SOS1: variants seen among roughly 807,000 people sequenced by gnomAD.
SOS1 encodes son of sevenless homolog 1.
SOS1 carries 25 observed loss-of-function variants against 157.6 expected under a neutral mutation model. The ratio of observed to expected loss-of-function variants is 0.16; its 90% confidence interval spans 0.12 to 0.22. The LOEUF (loss-of-function observed/expected upper bound fraction) is 0.22, where lower values mean the gene tolerates loss of function less well. SOS1 is among the 10% of genes least tolerant of loss of function. The pLI, the probability that SOS1 is intolerant of heterozygous loss-of-function variation, is 1.00. For missense variants in SOS1, 1,237 were observed against 1,599.1 expected (o/e 0.77, Z 3.86); for synonymous variants, 528 against 534.0 (o/e 0.99, Z 0.16).
intron 1 of SOS1, among the ~76,000 whole-genome samples, chr2:39,100,202 T>A (rs549932456): frequency 2.6e-5 from 4 of 152,266 alleles, no homozygotes; most frequent in Admixed American, 2.0e-4. Context: ...AAGGAAACCC[T>A]TGTAGACTGT....
At chr2:39,104,970 G>A (rs1673110963) in intron 1 of SOS1, among the ~76,000 whole-genome samples, 1 of 152,096 alleles carries the variant, frequency 6.6e-6, no homozygotes, top group South Asian at 2.1e-4. Context: ...GCCTTCAATT[G>A]TACATTTCAA....
At chr2:39,012,686 G>A (rs1338670244) in intron 13 of SOS1, among the ~76,000 whole-genome samples, 1 of 151,868 alleles carries the variant, frequency 6.6e-6, no homozygotes, top group Non-Finnish European at 1.5e-5. Context: ...TCCAAGAAAA[G>A]GTATATCTTA....
chr2:39,013,988 A>T lies in SOS1; in HGVS notation c.1942T>A (p.Phe648Ile). The change falls in exon 12 of 23, where the codon TTT becomes ATT. Residue 648 changes from phenylalanine (F) to isoleucine (I), a missense_variant and splice_region_variant. Physicochemically the swap from Phe to Ile is conservative, Grantham distance 21 (BLOSUM62 0). This residue lies in a region of SOS1 where 55 missense variants were observed against 43.1 expected (regional missense o/e 1.27). Transcript: ENST00000402219. ...GTTGGCTCAGGCTCTGGAATTTCAA[A>T]CCTAACATAAAATAGAACAAATTAA... ...QELLSLIIER[F>I]EIPEPEPTEA... is the part of the protein sequence containing the mutation. 6.2e-7 allele frequency: 1 copy of T among 1,600,388 alleles called. No homozygotes were observed. The highest frequency in any genetic ancestry group is 8.6e-7 in the Non-Finnish European group (1 of 1,169,120).
Position 39,022,952 on chromosome 2 carries a change from T to C in SOS1, c.1476A>G (p.Glu492=). ...GASNAEYRLK[E]KFFMRKVQIN... is the part of the protein sequence containing the mutation. The stretch of plus-strand genomic sequence containing the variant: ...TTTGTACCTTTCGCATAAAAAACTT[T>C]TCTTTAAGACGATATTCTGCATTGC... The change falls in exon 10 of 23, where the codon GAA becomes GAG. Residue 492 remains glutamate (E), a synonymous_variant. Transcript: ENST00000402219. The C allele has an allele frequency of 6.2e-7, 1 of 1,613,770 alleles. No homozygotes were observed. Among genetic ancestry groups the C allele is most frequent in the Non-Finnish European group, 8.5e-7 (1 of 1,179,774 alleles).
upstream of SOS1, among the ~76,000 whole-genome samples, chr2:39,121,832 G>A (rs549545022): frequency 6.6e-6 from 1 of 152,360 alleles, no homozygotes; most frequent in African/African-American, 2.4e-5. Context: ...TTTATAAACT[G>A]TCCCTCCAGG....
chr2:39,047,315 G>A (rs892382325), intron 6 of SOS1, among the ~76,000 whole-genome samples: 1 of 152,124 alleles, frequency 6.6e-6, no homozygotes. Flanking sequence ...TAAACCTACT[G>A]TGAACATTCT....
intron 1 of SOS1, among the ~76,000 whole-genome samples, chr2:39,113,036 CAAA>C (rs543968368): frequency 7.6e-6 from 1 of 131,638 alleles, no homozygotes; most frequent in African/African-American, 2.8e-5. Flanking sequence ...GACTCTGTCT[CAAA>C]AAAAAAAAAG....
intron 2 of SOS1, among the ~76,000 whole-genome samples, chr2:39,060,529 G>T (rs1337163529): frequency 2.6e-5 from 4 of 152,138 alleles, no homozygotes; most frequent in Non-Finnish European, 5.9e-5. Flanking sequence ...AGGTTCAAGT[G>T]ATTCTCCCAC....
chr2:39,049,752 T>C (rs532263517), intron 6 of SOS1, among the ~76,000 whole-genome samples: 6 of 152,328 alleles, frequency 3.9e-5, no homozygotes, highest in South Asian at 2.1e-4. Context: ...AGGCTTCATA[T>C]TGACTTAATA....
intron 1 of SOS1, among the ~76,000 whole-genome samples, chr2:39,075,801 T>C (rs1037386359): frequency 6.6e-6 from 1 of 152,026 alleles, no homozygotes; most frequent in Non-Finnish European, 1.5e-5. Flanking sequence ...CATAACAGTT[T>C]AAAAAGAGAA....
Position 38,997,030 on chromosome 2 carries a change from A to C in SOS1, c.2973T>G (p.Phe991Leu), listed in dbSNP as rs751274973. The C allele has an allele frequency of 5.2e-6, 8 of 1,532,606 alleles. No individual in the cohort carries two copies. Among genetic ancestry groups the C allele is most frequent in the Non-Finnish European group, 7.2e-6 (8 of 1,107,482 alleles). The allele number at this position is 1,532,606 out of a possible 1,614,324, so 94.9% of individuals were successfully genotyped here. A position where few individuals can be genotyped will look rare whatever the true frequency, so the allele number is the denominator to read the frequency against. The part of the protein sequence containing the change: ...LRVESDIKRF[F>L]ENLNPMGNSM... ...TATTTCCCATCGGATTCAAGTTTTC[A>C]AAGAACCTCTAAAATAAATGCAAAG... Residue 991 changes from phenylalanine to leucine, a missense_variant, in exon 19 of 23, where the codon TTT (phenylalanine) becomes TTG (leucine). Phe to Leu is a conservative substitution (Grantham distance 22, BLOSUM62 0). Around this residue, in one of 15 missense-constraint regions of SOS1, gnomAD observed 34 missense variants for 28.1 expected, o/e 1.21. Transcript: ENST00000402219.
At chr2:39,023,332 G>A (rs1450771666) in intron 9 of SOS1, 107 bp from the exon 10 acceptor site, 1 of 750,962 alleles carries the variant, frequency 1.3e-6, no homozygotes, top group South Asian at 1.8e-5. Context: ...TCACTGAGAA[G>A]GTATTCACTA....
chr2:39,047,665 T>C (rs888525522), intron 6 of SOS1, among the ~76,000 whole-genome samples: 1 of 152,170 alleles, frequency 6.6e-6, no homozygotes, highest in African/African-American at 2.4e-5. Flanking sequence ...GTAGGAGTTA[T>C]TTTGTTTTTG....
At chr2:39,036,597 G>A (rs1340416670) in intron 6 of SOS1, among the ~76,000 whole-genome samples, 1 of 151,248 alleles carries the variant, frequency 6.6e-6, no homozygotes, top group East Asian at 2.0e-4. Flanking sequence ...TTTTTGGGAC[G>A]GAGTCTCCCT....
At chr2:39,092,282 T>C (rs928355817) in intron 1 of SOS1, among the ~76,000 whole-genome samples, 10 of 152,104 alleles carry the variant, frequency 6.6e-5, no homozygotes, top group African/African-American at 2.2e-4. Context: ...TCACTGCACA[T>C]ACTGCTTGTC....
At chr2:39,009,292 T>G (rs1669383656) in intron 15 of SOS1, among the ~76,000 whole-genome samples, 1 of 152,086 alleles carries the variant, frequency 6.6e-6, no homozygotes, top group Admixed American at 6.5e-5. Context: ...AGAGCCATTG[T>G]TCAAAAACGA....
chr2:39,093,165 T>C (rs1293581800), intron 1 of SOS1, among the ~76,000 whole-genome samples: 1 of 152,234 alleles, frequency 6.6e-6, no homozygotes, highest in East Asian at 1.9e-4. Flanking sequence ...GGCACTATTT[T>C]CCCCTACACA....
intron 1 of SOS1, among the ~76,000 whole-genome samples, chr2:39,105,942 C>T (rs893245143): frequency 2.0e-5 from 3 of 151,954 alleles, no homozygotes; most frequent in Non-Finnish European, 2.9e-5. Flanking sequence ...TCAGTCCAGG[C>T]GTGATAGCTC....
Position 39,014,787 on chromosome 2 carries a change from G to C in SOS1, c.1918C>G (p.Leu640Val). 6.3e-7 allele frequency: 1 copy of C among 1,588,936 alleles called. No homozygotes were observed. Among genetic ancestry groups the C allele is most frequent in the Non-Finnish European group, 8.6e-7 (1 of 1,157,908 alleles). Residue 640 changes from leucine to valine, a missense_variant, in exon 11 of 23, where the codon CTA becomes GTA. Leu to Val is a conservative substitution (Grantham distance 32, BLOSUM62 1). This residue lies in a region of SOS1 where 55 missense variants were observed against 43.1 expected (regional missense o/e 1.27). Transcript: ENST00000402219. The part of the protein sequence containing the change: ...TYRSFCKPQE[L>V]LSLIIERFEI... ...GACCTTTCTATTATAAGACTCAGTA[G>C]TTCTTGAGGTTTGCAAAAGGATCTG...
Sources: gnomAD v4.1 joint callset for allele counts (sites outside exome capture counted in the v4.1 genomes callset) on GRCh38, gnomAD v4.1.1 for gene constraint, gnomAD v4.1.1 regional missense constraint, MANE v1.5 for transcripts, NCBI Gene and HGNC (gene_info 2026-07-23, HGNC 2026-07-21) for gene names.